Variants in MORC3 observed in about 807,000 individuals in gnomAD.
MORC3 encodes the protein MORC family CW-type zinc finger 3.
MORC3 carries 31 observed loss-of-function variants against 109.1 expected under a neutral mutation model. The observed-to-expected ratio is 0.28, with a 90% CI of 0.21 to 0.38. MORC3 has a LOEUF of 0.38. Among genes scored for constraint, MORC3 ranks in the 10% least tolerant of loss-of-function variants. MORC3 has a pLI of 1.00. For synonymous variants in MORC3, 395 were observed against 380.7 expected, an observed-to-expected ratio of 1.04 and a Z score of -0.44; for missense variants, 867 against 1,135.8, an observed-to-expected ratio of 0.76 and a Z score of 3.40.
intron 1 of MORC3, among the ~76,000 whole-genome samples, chr21:36,321,201 C>G (rs572323124): frequency 6.6e-6 from 1 of 152,286 alleles, no homozygotes; most frequent in Non-Finnish European, 1.5e-5. Context: ...TGCTCTGGGA[C>G]TTTCATTCGT....
chr21:36,372,460 T>A lies in MORC3; in HGVS notation c.2595T>A (p.Asn865Lys). The part of the protein sequence containing the change: ...KTEVEQLKST[N>K]QQTATDVSTS... ...AAGTAGAACAGTTAAAATCTACAAA[T>A]CAACAGACGGCAACAGATGTTTCAA... is the stretch of plus-strand genomic sequence containing the variant. The change falls in exon 16 of 17, where the codon AAT (asparagine) becomes AAA (lysine). Residue 865 changes from asparagine to lysine, a missense_variant. Transcript: ENST00000400485. 6.2e-7 allele frequency: 1 copy of A among 1,609,606 alleles called. No homozygotes were observed. The highest frequency in any genetic ancestry group is 1.1e-5 in the South Asian group (1 of 90,054).
chr21:36,373,129 C>G (rs940590889), intron 16 of MORC3, among the ~76,000 whole-genome samples: 1 of 152,102 alleles, frequency 6.6e-6, no homozygotes, highest in Non-Finnish European at 1.5e-5. Flanking sequence ...CACCTGAGGT[C>G]AGGAGTTCAA....
At chr21:36,330,470 C>T (rs1475877865) in intron 1 of MORC3, among the ~76,000 whole-genome samples, 1 of 152,148 alleles carries the variant, frequency 6.6e-6, no homozygotes, top group Non-Finnish European at 1.5e-5. Context: ...CTTTCTGAAA[C>T]AAACCAATGT....
intron 1 of MORC3, among the ~76,000 whole-genome samples, chr21:36,326,723 C>T (rs780121768): frequency 3.3e-5 from 5 of 151,926 alleles, no homozygotes; most frequent in African/African-American, 4.8e-5. Context: ...AATGTCTTCA[C>T]GGTTCATCCA....
intron 14 of MORC3, among the ~76,000 whole-genome samples, chr21:36,365,448 A>C (rs1157377944): frequency 6.6e-6 from 1 of 152,106 alleles, no homozygotes; most frequent in African/African-American, 2.4e-5. Context: ...GTGGGGCCAG[A>C]TTTTTTTTGA....
At chr21:36,368,639 G>A (rs934404918) in intron 14 of MORC3, among the ~76,000 whole-genome samples, 1 of 152,228 alleles carries the variant, frequency 6.6e-6, no homozygotes, top group Non-Finnish European at 1.5e-5. Flanking sequence ...ACTTTGGGAG[G>A]CTGTGGCAGG....
intron 1 of MORC3, among the ~76,000 whole-genome samples, chr21:36,326,059 T>G (rs572449913): frequency 6.9e-6 from 1 of 144,304 alleles, no homozygotes; most frequent in South Asian, 2.2e-4. Flanking sequence ...ATACAAAAAT[T>G]ATTTGGGCAT....
In MORC3 at chr21:36,369,516, G is replaced by A. The variant is rs745842873; in HGVS notation, c.2148G>A (p.Gln716=). The change falls in exon 15 of 17, where the codon CAG becomes CAA. Residue 716 remains glutamine, a synonymous_variant. Transcript: ENST00000400485. ...VTEEKENYKR[Q]CHMFTDQIKV... ...AGGAAAAAGAGAATTATAAAAGACA[G>A]TGTCATATGTTTACTGATCAAATCA... The A allele has an allele frequency of 6.2e-7, 1 of 1,614,162 alleles. No homozygotes were observed. The highest frequency in any genetic ancestry group is 8.5e-7 in the Non-Finnish European group (1 of 1,180,034).
chr21:36,363,952 G>C, intron 13 of MORC3, 141 bp from the exon 14 acceptor site: 1 of 847,412 alleles, frequency 1.2e-6, no homozygotes, highest in East Asian at 2.7e-5. Flanking sequence ...GTTGATTCCT[G>C]GTATAGCACA....
intron 9 of MORC3, among the ~76,000 whole-genome samples, chr21:36,356,244 T>C (rs890126948): frequency 2.0e-5 from 3 of 152,238 alleles, no homozygotes; most frequent in Non-Finnish European, 4.4e-5. Flanking sequence ...TTGATAAATT[T>C]TAACTTTTTA....
chr21:36,330,071 A>T (rs2085297556), intron 1 of MORC3, among the ~76,000 whole-genome samples: 1 of 152,158 alleles, frequency 6.6e-6, no homozygotes, highest in South Asian at 2.1e-4. Context: ...CATGTTGGTC[A>T]GGCTGGTCTC....
chr21:36,332,932 C>T (rs138583663), intron 1 of MORC3, among the ~76,000 whole-genome samples: 3,751 of 151,084 alleles, frequency 0.025, 65 homozygotes, highest in Admixed American at 0.046. Flanking sequence ...GGACTACAGG[C>T]GCCCATCACC....
intron 9 of MORC3, among the ~76,000 whole-genome samples, chr21:36,355,480 G>A (rs1011130600): frequency 5.3e-5 from 8 of 152,268 alleles, no homozygotes; most frequent in African/African-American, 1.9e-4. Context: ...TTAAGGGTTA[G>A]CATCTTTATA....
At chr21:36,339,006 C>G in intron 5 of MORC3, 85 bp downstream of exon 5, 2 of 1,425,444 alleles carry the variant, frequency 1.4e-6, no homozygotes, top group Non-Finnish European at 1.9e-6. Context: ...TCGTTACACA[C>G]AGTAGAAATA....
intron 1 of MORC3, among the ~76,000 whole-genome samples, chr21:36,328,966 A>C (rs545495962): frequency 4.1e-4 from 62 of 152,228 alleles, no homozygotes; most frequent in East Asian, 2.5e-3. Context: ...ACAACAACAA[A>C]AAAAATCACG....
chr21:36,329,337 G>T (rs2085286919), intron 1 of MORC3, among the ~76,000 whole-genome samples: 1 of 152,054 alleles, frequency 6.6e-6, no homozygotes, highest in East Asian at 1.9e-4. Context: ...TTTGTGTTGG[G>T]CTGCATTCAA....
intron 14 of MORC3, among the ~76,000 whole-genome samples, chr21:36,366,268 A>C (rs1431688193): frequency 6.6e-6 from 1 of 152,120 alleles, no homozygotes; most frequent in African/African-American, 2.4e-5. Flanking sequence ...ACTCCCACTT[A>C]TAAGTGAGAA....
rs372000122 is a variant in MORC3 at position 36,333,787 on chromosome 21, TTG to T, written c.112+71_112+72del. On this transcript the variant is annotated intron_variant, in intron 2 of 16. Coordinates refer to ENST00000400485, the MANE Select transcript of MORC3 (RefSeq NM_015358.3). ...GTAGTGTTTTTTTTTTTGTTTTGTT[TTG>T]TTTTTTTTTTTTAAACAGAGTCTCT... The T allele has an allele frequency of 2.1e-3, 2,825 of 1,324,760 alleles. 30 individuals are homozygous for T. The highest frequency in any genetic ancestry group is 7.8e-3 in the Admixed American group (362 of 46,232). 82.1% of individuals were successfully genotyped at this position (1,324,760 alleles called of 1,614,324 possible). A position where few individuals can be genotyped will look rare whatever the true frequency, so the allele number is the denominator to read the frequency against.
At position 36,372,411 on chromosome 21, in the gene MORC3, C is replaced by T. The variant is rs199909082; in HGVS notation, c.2546C>T (p.Ser849Leu). ...LLEMEKSQIR[S>L]QCEELKTEVE... is the part of the protein sequence containing the mutation. ...GAAATGGAAAAGTCACAAATCCGTT[C>T]ACAGTGTGAAGAACTCAAAACTGAA... is the stretch of plus-strand genomic sequence containing the variant. The change falls in exon 16 of 17, where the codon TCA becomes TTA. Residue 849 changes from serine to leucine, a missense_variant. Ser to Leu is a moderately radical substitution (Grantham distance 145). This residue lies in a region of MORC3 where 486 missense variants were observed against 502.1 expected (regional missense o/e 0.97). Transcript: ENST00000400485. 8.3e-5 allele frequency: 133 copies of T among 1,592,830 alleles called. No homozygotes were observed. The highest frequency in any genetic ancestry group is 3.4e-5 in the Non-Finnish European group (40 of 1,174,998).
Sources: allele counts gnomAD v4.1 joint callset (sites outside exome capture counted in the v4.1 genomes callset), GRCh38; gene constraint gnomAD v4.1.1; regional missense constraint gnomAD v4.1.1; transcripts MANE v1.5; gene names NCBI Gene and HGNC (gene_info 2026-07-23, HGNC 2026-07-21).